Variants in ATAD1 observed in about 807,000 individuals in gnomAD.
ATAD1 encodes the protein outer mitochondrial transmembrane helix translocase.
A neutral mutation model predicts 42.7 loss-of-function variants in ATAD1; 18 were observed. The ratio of observed to expected loss-of-function variants is 0.42; its 90% CI spans 0.29 to 0.63. The LOEUF (loss-of-function observed/expected upper bound fraction) is 0.63. ATAD1 is among the 20% of genes least tolerant of loss of function. The pLI, the probability that ATAD1 is intolerant of heterozygous loss-of-function variation, is 0.19. For missense variants in ATAD1, 294 were observed against 440.4 expected, an observed-to-expected ratio of 0.67 and a Z score of 2.98; for synonymous variants, 132 against 143.1, an observed-to-expected ratio of 0.92 and a Z score of 0.55.
chr10:87,760,209 A>T (rs1854417970), intron 8 of ATAD1, among the ~76,000 whole-genome samples: 1 of 152,168 alleles, frequency 6.6e-6, no homozygotes. Flanking sequence ...CTGTGTCCCC[A>T]CCGAAGTCTC....
At chr10:87,823,653 T>C (rs1218919938) in intron 1 of ATAD1, among the ~76,000 whole-genome samples, 2 of 152,204 alleles carry the variant, frequency 1.3e-5, no homozygotes, top group Non-Finnish European at 2.9e-5. Context: ...AATTCTCAAT[T>C]CCTGTAACAA....
chr10:87,839,035 T>C (rs932948348), intron 1 of ATAD1, among the ~76,000 whole-genome samples: 1 of 152,228 alleles, frequency 6.6e-6, no homozygotes, highest in African/African-American at 2.4e-5. Flanking sequence ...TTTATAATTC[T>C]ACCTGTACAT....
chr10:87,754,130 T>C lies in ATAD1; in HGVS notation c.*557A>G, dbSNP rs926778468. On this transcript the variant is annotated 3_prime_UTR_variant, in exon 10 of 10. Transcript: ENST00000680024. ...AAAAAAGGTTGAAACAAATGACAAATGGAAATGGCTGAATCACTGTACCTT... is the reference window on the plus strand; with the variant it reads ...AAAAAAGGTTGAAACAAATGACAAACGGAAATGGCTGAATCACTGTACCTT... 1.3e-5 allele frequency: 2 copies of C among 152,606 alleles called. No individual in the cohort carries two copies. Among genetic ancestry groups the C allele is most frequent in the African/African-American group, 4.8e-5 (2 of 41,458 alleles). 9.5% of individuals were successfully genotyped at this position (152,606 alleles called of 1,614,324 possible). A position where few individuals can be genotyped will look rare whatever the true frequency, so the allele number is the denominator to read the frequency against.
At chr10:87,801,629 T>C (rs958217690) in intron 2 of ATAD1, among the ~76,000 whole-genome samples, 5 of 152,116 alleles carry the variant, frequency 3.3e-5, no homozygotes, top group Non-Finnish European at 7.3e-5. Context: ...ATTATAATTA[T>C]TGTGTGCCAC....
rs766507828 is a variant in ATAD1, at chr10:87,776,290, C to T, written c.690+31G>A. 2.6e-6 allele frequency: 4 copies of T among 1,546,480 alleles called. No individual in the cohort carries two copies. In the African/African-American group the frequency reaches 4.1e-5, roughly 16 times the overall value. On this transcript the variant is annotated intron_variant, in intron 6 of 9. Coordinates refer to ENST00000680024, the MANE Select transcript of ATAD1 (RefSeq NM_001321967.2). ...TTTCTATTAAGAACAAAAAAACCAACACAAGTTGAGGGCAGATTTTATTCA... is the reference window on the plus strand; with the variant it reads ...TTTCTATTAAGAACAAAAAAACCAATACAAGTTGAGGGCAGATTTTATTCA...
At chr10:87,789,357 C>T (rs1855983633) in intron 4 of ATAD1, among the ~76,000 whole-genome samples, 1 of 152,166 alleles carries the variant, frequency 6.6e-6, no homozygotes, top group Non-Finnish European at 1.5e-5. Context: ...GTAACACACA[C>T]ATATATCTCT....
chr10:87,765,948 A>C (rs1042051393), intron 8 of ATAD1, among the ~76,000 whole-genome samples: 1 of 151,962 alleles, frequency 6.6e-6, no homozygotes, highest in African/African-American at 2.4e-5. Context: ...TGAGGCGGGA[A>C]GATTACTTGG....
chr10:87,797,403 T>C (rs1411257177), intron 2 of ATAD1, among the ~76,000 whole-genome samples: 1 of 152,242 alleles, frequency 6.6e-6, no homozygotes, highest in Non-Finnish European at 1.5e-5. Flanking sequence ...TGTTCTTTCA[T>C]TTACTTTTCT....
At chr10:87,827,456 C>G (rs748017586) in intron 1 of ATAD1, among the ~76,000 whole-genome samples, 11 of 152,182 alleles carry the variant, frequency 7.2e-5, no homozygotes, top group Non-Finnish European at 1.6e-4. Context: ...CTGCATCTAG[C>G]TAGTGTGTCA....
At chr10:87,829,650 C>G (rs1465456447) in intron 1 of ATAD1, among the ~76,000 whole-genome samples, 2 of 152,304 alleles carry the variant, frequency 1.3e-5, no homozygotes, top group East Asian at 3.9e-4. Context: ...TGGTCCAACC[C>G]TCCTACATGA....
chr10:87,824,222 G>C (rs1857684015), intron 1 of ATAD1, among the ~76,000 whole-genome samples: 1 of 151,682 alleles, frequency 6.6e-6, no homozygotes, highest in African/African-American at 2.4e-5. Context: ...TGATTAAAGA[G>C]GAAAAAAAAG....
chr10:87,833,807 C>T (rs1045735043), intron 1 of ATAD1, among the ~76,000 whole-genome samples: 4 of 148,632 alleles, frequency 2.7e-5, no homozygotes, highest in African/African-American at 1.0e-4. Flanking sequence ...AGCTCACTGC[C>T]ACCTCCGCCT....
At chr10:87,839,275 T>C (rs760861606) in intron 1 of ATAD1, among the ~76,000 whole-genome samples, 1 of 152,220 alleles carries the variant, frequency 6.6e-6, no homozygotes, top group Non-Finnish European at 1.5e-5. Context: ...TCTCTGTAAA[T>C]AATCTCAAGG....
intron 6 of ATAD1, among the ~76,000 whole-genome samples, chr10:87,773,465 A>G (rs1800961646): frequency 6.6e-6 from 1 of 152,332 alleles, no homozygotes; most frequent in Admixed American, 6.5e-5. Context: ...TCTAGAGAAG[A>G]GCTAACTGGT....
At chr10:87,763,925 T>C (rs1923260) in intron 8 of ATAD1, among the ~76,000 whole-genome samples, 44,607 of 151,946 alleles carry the variant, frequency 0.29, 6,762 homozygotes, top group Middle Eastern at 0.31. Context: ...GTTTTTTTCC[T>C]ATGTAAGACA....
rs12241179 is a variant in ATAD1 at position 87,772,187 on chromosome 10, T to C, written c.691-1146A>G. Among the ~76,000 whole-genome samples the C allele has an allele frequency of 1.6e-3, 239 of 152,314 alleles. 1 individual carries two copies. The highest frequency in any genetic ancestry group is 5.5e-3 in the African/African-American group (227 of 41,594). On this transcript the variant is annotated intron_variant, in intron 6 of 9. Coordinates refer to ENST00000680024, the MANE Select transcript of ATAD1 (RefSeq NM_001321967.2). ...TAAAATCAAAATATTAATGCTCATA[T>C]TTATTTTTCTTTATTTTCTTTCTTT...
intron 1 of ATAD1, among the ~76,000 whole-genome samples, chr10:87,829,005 G>A (rs1267135895): frequency 6.6e-6 from 1 of 152,098 alleles, no homozygotes; most frequent in African/African-American, 2.4e-5. Context: ...CAATGCACCT[G>A]GTCACTCAAG....
chr10:87,788,752 T>C (rs1464062677), intron 4 of ATAD1, among the ~76,000 whole-genome samples: 1 of 152,202 alleles, frequency 6.6e-6, no homozygotes, highest in Non-Finnish European at 1.5e-5. Flanking sequence ...AATTGAGAAC[T>C]AAAAATGCAG....
At position 87,751,647 on chromosome 10, in the gene ATAD1, CTCTA is replaced by C. The variant is rs1390705785; in HGVS notation, c.*3036_*3039del. On this transcript the variant is annotated 3_prime_UTR_variant, in exon 10 of 10. Transcript: ENST00000680024. Reference sequence around the variant, plus strand: ...TAGCTTTAAAAAAAAGATTAGAGAACTCTATCTTTGATAACTAAATCTATAACAA... The same window carrying C: ...TAGCTTTAAAAAAAAGATTAGAGAACTCTTTGATAACTAAATCTATAACAA... The C allele has an allele frequency of 6.6e-6, 1 of 152,074 alleles. No homozygotes were observed. The highest frequency in any genetic ancestry group is 1.5e-5 in the Non-Finnish European group (1 of 68,010). 9.4% of individuals were successfully genotyped at this position (152,074 alleles called of 1,614,324 possible). A position where few individuals can be genotyped will look rare whatever the true frequency, so the allele number is the denominator to read the frequency against.
Sources: gnomAD v4.1 joint callset for allele counts (sites outside exome capture counted in the v4.1 genomes callset) on GRCh38, gnomAD v4.1.1 for gene constraint, MANE v1.5 for transcripts, NCBI Gene and HGNC (gene_info 2026-07-23, HGNC 2026-07-21) for gene names.